The following PARVB variants were observed in gnomAD, a reference collection of about 807,000 sequenced individuals.
The protein encoded by PARVB is beta-parvin.
Under a neutral mutation model 47.0 loss-of-function variants are expected in PARVB, and 46 were observed. The ratio of observed to expected loss-of-function variants is 0.98; its 90% CI spans 0.77 to 1.25. The LOEUF (loss-of-function observed/expected upper bound fraction) is 1.25, where lower values mean the gene tolerates loss of function less well. PARVB is among the 50% of genes most tolerant of loss of function. The pLI, the probability that PARVB is intolerant of heterozygous loss-of-function variation, is 0.00. For synonymous variants in PARVB, 196 were observed against 196.3 expected (o/e 1.00, Z 0.01); for missense variants, 473 against 471.6 (o/e 1.00, Z -0.03).
intron 2 of PARVB, among the ~76,000 whole-genome samples, chr22:44,010,801 CAA>C (rs2050514242): frequency 6.6e-6 from 1 of 150,498 alleles, no homozygotes; most frequent in South Asian, 2.1e-4. Context: ...CCAAAAAAAT[CAA>C]AAATTTTACG....
intron 1 of PARVB, among the ~76,000 whole-genome samples, chr22:44,066,058 C>G (rs2051517180): frequency 1.3e-5 from 2 of 152,188 alleles, no homozygotes; most frequent in South Asian, 4.1e-4. Context: ...GGAAGCCTTG[C>G]TCTTTCTTAA....
At chr22:44,113,294 C>A (rs1165534334) in intron 3 of PARVB, 5 of 91,420 alleles carry the variant, frequency 5.5e-5, no homozygotes, top group Admixed American at 1.0e-4. Flanking sequence ...TAAGGCCCTG[C>A]ACCAACACAG....
intron 1 of PARVB, among the ~76,000 whole-genome samples, chr22:44,073,557 C>G (rs759756066): frequency 6.6e-6 from 1 of 152,152 alleles, no homozygotes; most frequent in Non-Finnish European, 1.5e-5. Flanking sequence ...TTAAACGTCT[C>G]GAATACCAAT....
At chr22:44,099,352 C>A (rs1256225796) in intron 2 of PARVB, among the ~76,000 whole-genome samples, 2 of 152,148 alleles carry the variant, frequency 1.3e-5, no homozygotes, top group South Asian at 4.1e-4. Flanking sequence ...GGTGGGTGCC[C>A]CCTCCGCAGT....
rs1360732140 is a variant in PARVB, at chr22:44,089,140, G to A, written c.113-4788G>A. 2.0e-5 allele frequency among the ~76,000 whole-genome samples: 3 copies of A among 152,156 alleles called. No homozygotes were observed. The highest frequency in any genetic ancestry group is 4.4e-5 in the Non-Finnish European group (3 of 68,032). On this transcript the variant is annotated intron_variant, in intron 1 of 12. Coordinates refer to ENST00000338758, the MANE Select transcript of PARVB (RefSeq NM_013327.5). The surrounding 1 kb of genome is among the most constrained non-coding windows in gnomAD (Gnocchi z 4.0). ...CCCTCCTCCTATCAAATGCCCTCCTGTCTCTCTCTTCCTACCTGGCCCCCC... is the reference window on the plus strand; with the variant it reads ...CCCTCCTCCTATCAAATGCCCTCCTATCTCTCTCTTCCTACCTGGCCCCCC...
intron 4 of PARVB, among the ~76,000 whole-genome samples, chr22:44,126,213 G>A (rs937122894): frequency 6.6e-6 from 1 of 152,196 alleles, no homozygotes; most frequent in Non-Finnish European, 1.5e-5. Context: ...ATTTTATTTG[G>A]CTGAATGCCG....
intron 12 of PARVB, among the ~76,000 whole-genome samples, 174 bp downstream of exon 12, chr22:44,164,104 A>G (rs1004730714): frequency 2.6e-5 from 4 of 152,228 alleles, no homozygotes; most frequent in Admixed American, 1.3e-4. Context: ...TTTGGGAACC[A>G]GGAGGACTTC....
intron 3 of PARVB, among the ~76,000 whole-genome samples, chr22:44,102,424 A>T (rs2052470635): frequency 6.6e-6 from 1 of 152,074 alleles, no homozygotes. Context: ...CTTTCTAAAG[A>T]TTTTTTTCTT....
intron 1 of PARVB, among the ~76,000 whole-genome samples, chr22:44,082,655 T>C (rs959177473): frequency 2.0e-5 from 3 of 152,200 alleles, no homozygotes; most frequent in African/African-American, 7.2e-5. Context: ...GGCCCCTCCA[T>C]GCCCCGGTTT....
chr22:44,098,398 C>T (rs1601597321), intron 2 of PARVB, among the ~76,000 whole-genome samples: 1 of 152,116 alleles, frequency 6.6e-6, no homozygotes, highest in African/African-American at 2.4e-5. Context: ...GAGCTGAGGT[C>T]TGAAGGGTGA....
chr22:44,082,995 C>T (rs548077091), intron 1 of PARVB, among the ~76,000 whole-genome samples: 4 of 152,208 alleles, frequency 2.6e-5, no homozygotes, highest in African/African-American at 9.6e-5. Flanking sequence ...ATGCACACCC[C>T]AGGAGGTGAG....
In PARVB at chr22:44,131,669, C is replaced by G. The variant is rs765997551; in HGVS notation, c.517+42C>G. The G allele has an allele frequency of 5.1e-5, 79 of 1,554,086 alleles. 1 individual carries two copies. The South Asian group carries it at 8.8e-4, about 17-fold the overall frequency. On this transcript the variant is annotated intron_variant, in intron 5 of 12. Coordinates refer to ENST00000338758, the MANE Select transcript of PARVB (RefSeq NM_013327.5). ...AGGGGGAGGGACTGTCTGGAGGGAG[C>G]CCGTCCTCTCGACATTCGTCATCCA...
intron 11 of PARVB, among the ~76,000 whole-genome samples, chr22:44,161,502 C>T (rs1331324276): frequency 2.0e-5 from 3 of 151,820 alleles, no homozygotes; most frequent in Non-Finnish European, 2.9e-5. Context: ...TTAGTAGAGA[C>T]GGGGTTTTAC....
intron 4 of PARVB, among the ~76,000 whole-genome samples, chr22:44,123,659 C>T (rs935965012): frequency 6.6e-5 from 10 of 152,190 alleles, no homozygotes; most frequent in African/African-American, 2.4e-4. Flanking sequence ...AAGCAATCCA[C>T]CCACCTCAGC....
Position 44,068,371 on chromosome 22 carries a change from T to C in PARVB, c.113-25557T>C, listed in dbSNP as rs2051580347. Among the ~76,000 whole-genome samples the C allele has an allele frequency of 6.6e-6, 1 of 152,084 alleles. No homozygotes were observed. The highest frequency in any genetic ancestry group is 1.5e-5 in the Non-Finnish European group (1 of 68,026). On this transcript the variant is annotated intron_variant, in intron 1 of 12. Coordinates refer to ENST00000338758, the MANE Select transcript of PARVB (RefSeq NM_013327.5). The surrounding 1 kb of genome is among the most constrained non-coding windows in gnomAD (Gnocchi z 4.1). ...GGTAGGGAGGGGCTGGGCCTGGTGT[T>C]ATAAACCAGGAGAGGGTTCAGGCCG...
chr22:44,005,754 C>T (rs576095333), intron 2 of PARVB, among the ~76,000 whole-genome samples: 19 of 152,236 alleles, frequency 1.2e-4, no homozygotes, highest in Admixed American at 6.5e-4. Context: ...TCAGACTGGT[C>T]GCAGGCCACT....
At chr22:44,165,478 T>G (rs2054147201) in intron 12 of PARVB, among the ~76,000 whole-genome samples, 1 of 152,204 alleles carries the variant, frequency 6.6e-6, no homozygotes, top group Admixed American at 6.5e-5. Context: ...GACCCCTCGT[T>G]GCTGCTGCCC....
chr22:44,094,184 A>G (rs555909287), intron 2 of PARVB, among the ~76,000 whole-genome samples, 167 bp downstream of exon 2: 1 of 152,368 alleles, frequency 6.6e-6, no homozygotes, highest in South Asian at 2.1e-4. Context: ...AGAAAAGTCC[A>G]TTGGGAAAAG....
chr22:44,076,102 C>A (rs1185130828), intron 1 of PARVB, among the ~76,000 whole-genome samples: 1 of 152,246 alleles, frequency 6.6e-6, no homozygotes, highest in Admixed American at 6.5e-5. Flanking sequence ...CTGCCTCAAC[C>A]CAGGGCTGGT....
Sources: gnomAD v4.1 joint callset for allele counts (sites outside exome capture counted in the v4.1 genomes callset) on GRCh38, gnomAD v4.1.1 for gene constraint, Gnocchi (gnomAD v3.1) non-coding constraint, MANE v1.5 for transcripts, NCBI Gene and HGNC (gene_info 2026-07-23, HGNC 2026-07-21) for gene names.